Variants in ESR1 observed in about 807,000 individuals in gnomAD.
ESR1 encodes estrogen receptor.
Under a neutral mutation model 52.7 loss-of-function variants are expected in ESR1, and 12 were observed. The observed-to-expected ratio is 0.23, with a 90% CI of 0.15 to 0.37. ESR1 has a LOEUF of 0.37. Among genes scored for constraint, ESR1 ranks in the 10% least tolerant of loss-of-function variants. The pLI is 1.00. For missense variants in ESR1, 584 were observed against 779.7 expected, an observed-to-expected ratio of 0.75 and a Z score of 2.99; for synonymous variants, 305 against 316.8, an observed-to-expected ratio of 0.96 and a Z score of 0.39.
intron 1 of ESR1, among the ~76,000 whole-genome samples, chr6:151,826,327 G>A (rs1274450447): frequency 6.6e-6 from 1 of 152,198 alleles, no homozygotes; most frequent in Non-Finnish European, 1.5e-5. Flanking sequence ...CTGGGAATTT[G>A]AGCCTTATAT....
At chr6:151,898,887 CA>C (rs1236619434) in intron 3 of ESR1, among the ~76,000 whole-genome samples, 1 of 152,190 alleles carries the variant, frequency 6.6e-6, no homozygotes. Context: ...CCATTGTCAT[CA>C]TGGCCCGTTC....
At chr6:151,751,405 C>T (rs991439323) in intron 2 of ESR1, among the ~76,000 whole-genome samples, 4 of 152,098 alleles carry the variant, frequency 2.6e-5, no homozygotes, top group Admixed American at 6.6e-5. Flanking sequence ...CCCAGTGACT[C>T]CTTTCTGATA....
Position 151,979,864 on chromosome 6 carries a change from G to A in ESR1, c.1097-31792G>A, listed in dbSNP as rs9383952. Among the ~76,000 whole-genome samples the A allele has an allele frequency of 4.8e-3, 730 of 152,214 alleles. 5 individuals are homozygous for A. The highest frequency in any genetic ancestry group is 0.013 in the East Asian group (68 of 5,178). ...TAAAATTTAATGAGCTTTTACTGCTGTAATCTCAACAAGCAGAGTCTTTGC... is the reference window on the plus strand; with the variant it reads ...TAAAATTTAATGAGCTTTTACTGCTATAATCTCAACAAGCAGAGTCTTTGC... On this transcript the variant is annotated intron_variant, in intron 4 of 7. Coordinates refer to ENST00000206249, the MANE Select transcript of ESR1 (RefSeq NM_000125.4).
At position 151,778,913 on chromosome 6, in the gene ESR1, C is replaced by A. The variant is rs189240568; in HGVS notation, c.-70-28930C>A. Among the ~76,000 whole-genome samples, 1,100 of 151,914 alleles carry A rather than the reference C, an allele frequency of 7.2e-3. 10 individuals carry two copies. The highest frequency in any genetic ancestry group is 0.025 in the African/African-American group (1,048 of 41,446). On this transcript the variant is annotated intron_variant, in intron 2 of 2. Coordinates refer to the ESR1 transcript ENST00000404742. ...CTTGTTTTGTGCATAGCATACAGAG[C>A]AGCAATTGTATATTGCTAAAGAAAG... is the stretch of plus-strand genomic sequence containing the variant.
At chr6:151,828,760 A>G (rs1781916457) in intron 1 of ESR1, among the ~76,000 whole-genome samples, 1 of 152,200 alleles carries the variant, frequency 6.6e-6, no homozygotes, top group East Asian at 1.9e-4. Flanking sequence ...CTCTGTCACC[A>G]TGACATCCAT....
intron 2 of ESR1, among the ~76,000 whole-genome samples, chr6:151,864,856 C>T (rs1789567456): frequency 6.8e-6 from 1 of 147,412 alleles, no homozygotes; most frequent in Non-Finnish European, 1.5e-5. Context: ...CCAAACACTG[C>T]ATGTTCTCAC....
chr6:152,081,294 T>A (rs2049189447), intron 6 of ESR1, among the ~76,000 whole-genome samples: 1 of 151,996 alleles, frequency 6.6e-6, no homozygotes, highest in Non-Finnish European at 1.5e-5. Context: ...CACAGTGCAA[T>A]CAAATTAGAA....
rs138320280 is a variant in ESR1, at chr6:152,094,109, C to T, written c.1370-276C>T. ...CAGACCTGTCTGAGAAAAGGTGGCCCATGTTACCATGACAGGCCCCAAGGC... is the reference window on the plus strand; with the variant it reads ...CAGACCTGTCTGAGAAAAGGTGGCCTATGTTACCATGACAGGCCCCAAGGC... On this transcript the variant is annotated intron_variant, in intron 6 of 7. Transcript: ENST00000206249. This position sits in a 1 kb window ranked among gnomAD's most constrained non-coding sequence, Gnocchi z 4.6. Among the ~76,000 whole-genome samples the T allele has an allele frequency of 1.4e-3, 216 of 152,300 alleles. No homozygotes were observed. Among genetic ancestry groups the T allele is most frequent in the African/African-American group, 5.1e-3 (210 of 41,564 alleles).
At chr6:151,992,590 C>A (rs1269486957) in intron 4 of ESR1, among the ~76,000 whole-genome samples, 3 of 152,124 alleles carry the variant, frequency 2.0e-5, no homozygotes, top group African/African-American at 7.2e-5. Context: ...TAGGGACACT[C>A]AAGACACTTT....
At chr6:151,975,971 C>T (rs2039401942) in intron 4 of ESR1, among the ~76,000 whole-genome samples, 1 of 152,126 alleles carries the variant, frequency 6.6e-6, no homozygotes, top group Non-Finnish European at 1.5e-5. Flanking sequence ...GTGTACTTGA[C>T]CTTACTGTTC....
At chr6:151,832,463 A>C (rs78855988) in intron 1 of ESR1, among the ~76,000 whole-genome samples, 7,214 of 152,300 alleles carry the variant, frequency 0.047, 578 homozygotes, top group African/African-American at 0.16. Flanking sequence ...GAGGTATGTT[A>C]TGGTCACAGA....
At chr6:151,886,449 A>G (rs1006740582) in intron 3 of ESR1, among the ~76,000 whole-genome samples, 4 of 152,204 alleles carry the variant, frequency 2.6e-5, no homozygotes, top group African/African-American at 9.6e-5. Context: ...TATTTTAATA[A>G]CAAATGTTGC....
At chr6:152,060,244 C>T (rs2047442584) in intron 5 of ESR1, among the ~76,000 whole-genome samples, 1 of 152,122 alleles carries the variant, frequency 6.6e-6, no homozygotes, top group Admixed American at 6.5e-5. Flanking sequence ...AGGTTAAAAG[C>T]CTGAACTTCT....
intron 2 of ESR1, among the ~76,000 whole-genome samples, chr6:151,853,437 A>G (rs1225891038): frequency 1.3e-5 from 2 of 152,164 alleles, no homozygotes; most frequent in Non-Finnish European, 2.9e-5. Flanking sequence ...GCACACATGC[A>G]CGCATATATT....
chr6:151,679,754 A>G (rs1024242157), intron 1 of ESR1, among the ~76,000 whole-genome samples: 4 of 152,144 alleles, frequency 2.6e-5, no homozygotes, highest in African/African-American at 9.7e-5. Flanking sequence ...TGACTGCACT[A>G]GTGTCCTTTT....
intron 2 of ESR1, among the ~76,000 whole-genome samples, chr6:151,794,642 G>T (rs868557341): frequency 2.6e-4 from 40 of 151,880 alleles, no homozygotes; most frequent in African/African-American, 8.9e-4. Flanking sequence ...GCAATAGATG[G>T]TTTACAATGG....
intron 1 of ESR1, chr6:151,813,242 T>A (rs1320394800): frequency 2.0e-5 from 3 of 152,208 alleles, no homozygotes; most frequent in African/African-American, 7.2e-5. Context: ...AAGCACAGAA[T>A]GACAACTATT....
intron 3 of ESR1, among the ~76,000 whole-genome samples, chr6:151,899,298 G>T (rs1796152330): frequency 7.4e-6 from 1 of 135,610 alleles, no homozygotes; most frequent in African/African-American, 2.9e-5. Context: ...GCCGGGCGGG[G>T]GGCTGACCCC....
intron 5 of ESR1, among the ~76,000 whole-genome samples, chr6:152,020,457 T>G (rs2043543397): frequency 6.6e-6 from 1 of 152,124 alleles, no homozygotes. Flanking sequence ...TTTTTTTGTT[T>G]GTTTGTTTTT....
Sources: allele counts gnomAD v4.1 joint callset (sites outside exome capture counted in the v4.1 genomes callset), GRCh38; gene constraint gnomAD v4.1.1; non-coding constraint Gnocchi (gnomAD v3.1); transcripts MANE v1.5; gene names NCBI Gene and HGNC (gene_info 2026-07-23, HGNC 2026-07-21).